WAC: variants seen among roughly 807,000 people sequenced by gnomAD.
WAC encodes WW domain-containing adapter protein with coiled-coil.
WAC carries 11 observed loss-of-function variants against 79.6 expected under a neutral mutation model. That is an observed-to-expected ratio of 0.14 (90% confidence interval 0.09 to 0.23). The LOEUF is 0.23. WAC is among the 10% of genes least tolerant of loss of function. WAC has a pLI of 1.00. For synonymous variants in WAC, 304 were observed against 276.9 expected (o/e 1.10, Z -0.97); for missense variants, 728 against 773.5 (o/e 0.94, Z 0.70).
Position 28,616,212 on chromosome 10 carries a change from T to C in WAC, c.1596T>C (p.Ser532=). The C allele has an allele frequency of 1.9e-6, 3 of 1,612,522 alleles. No homozygotes were observed. The highest frequency in any genetic ancestry group is 2.5e-6 in the Non-Finnish European group (3 of 1,179,238). The stretch of plus-strand genomic sequence containing the variant: ...CATCACCTGGTCCCAATCATACTTC[T>C]AATAGTAGTAATGCATCAAATGCAA... ...RSPSPGPNHT[S]NSSNASNATV... Residue 532 remains serine (S), a synonymous_variant, in exon 12 of 14, where the codon TCT becomes TCC. Transcript: ENST00000354911.
Position 28,544,631 on chromosome 10 carries a change from G to GGGTTA in WAC, c.274+8877_274+8881dup, listed in dbSNP as rs547230641. 3.5e-4 allele frequency among the ~76,000 whole-genome samples: 53 copies of GGGTTA among 152,226 alleles called. No individual in the cohort carries two copies. In the East Asian group the frequency reaches 6.8e-3, roughly 19 times the overall value. ...AAGCTGCTGCTGCTTTCTTTGTTTA[G>GGGTTA]GGTTAGGAAGAAACATGCTGGACAG... On this transcript the variant is annotated intron_variant, in intron 3 of 13. Coordinates refer to ENST00000354911, the MANE Select transcript of WAC (RefSeq NM_016628.5).
At chr10:28,538,083 G>A (rs903839161) in intron 3 of WAC, among the ~76,000 whole-genome samples, 5 of 152,010 alleles carry the variant, frequency 3.3e-5, no homozygotes, top group Non-Finnish European at 2.9e-5. Flanking sequence ...CTCCATTCTG[G>A]AATTGAGAGT....
chr10:28,534,512 C>T (rs978298590), intron 2 of WAC, among the ~76,000 whole-genome samples: 1 of 152,152 alleles, frequency 6.6e-6, no homozygotes, highest in Non-Finnish European at 1.5e-5. Flanking sequence ...TTTTGGTATA[C>T]TTAATTGCCT....
At chr10:28,616,681 A>T (rs1277252138) in intron 12 of WAC, among the ~76,000 whole-genome samples, 2 of 152,220 alleles carry the variant, frequency 1.3e-5, no homozygotes, top group African/African-American at 4.8e-5. Flanking sequence ...CAAATAGTGC[A>T]TAAGACCTTG....
intron 7 of WAC, among the ~76,000 whole-genome samples, chr10:28,597,225 A>C (rs74670537): frequency 0.022 from 3,282 of 152,282 alleles, 118 homozygotes; most frequent in African/African-American, 0.075. Context: ...AAATTCATAC[A>C]TAAAATGTCA....
intron 3 of WAC, 33 bp downstream of exon 3, chr10:28,535,790 C>G (rs757570022): frequency 6.4e-7 from 1 of 1,555,400 alleles, no homozygotes; most frequent in South Asian, 1.2e-5. Context: ...CTTTGACATA[C>G]AGTTTTAACA....
At chr10:28,616,030 C>T (rs1044503008) in intron 11 of WAC, 143 bp from the exon 12 acceptor site, 1 of 642,384 alleles carries the variant, frequency 1.6e-6, no homozygotes, top group African/African-American at 1.8e-5. Context: ...TATTAATTCT[C>T]TTTATTTGAC....
At chr10:28,608,650 T>C (rs1841077117) in intron 8 of WAC, 3 of 530,212 alleles carry the variant, frequency 5.7e-6, no homozygotes, top group Non-Finnish European at 6.6e-6. Context: ...TTGGATCTTG[T>C]GTATATTTTT....
Position 28,589,839 on chromosome 10 carries a change from A to C in WAC, c.485A>C (p.Glu162Ala). The change falls in exon 5 of 14, where the codon GAG becomes GCG. Residue 162 changes from glutamate to alanine, a missense_variant. Transcript: ENST00000354911. Reference protein sequence around the residue: ...TEVSQWEKPKEWLEREQRQKE... With the variant: ...TEVSQWEKPKAWLEREQRQKE... ...GTTTCACAATGGGAAAAACCAAAAGAGTGGCTTGAAAGGTAATTAGCTTTT... is the reference window on the plus strand; with the variant it reads ...GTTTCACAATGGGAAAAACCAAAAGCGTGGCTTGAAAGGTAATTAGCTTTT... 1 of 1,610,084 alleles carries C rather than the reference A, an allele frequency of 6.2e-7. No homozygotes were observed. Among genetic ancestry groups the C allele is most frequent in the Non-Finnish European group, 8.5e-7 (1 of 1,176,524 alleles).
At chr10:28,541,085 ACTTAGATC>A (rs1324057023) in intron 3 of WAC, among the ~76,000 whole-genome samples, 2 of 152,180 alleles carry the variant, frequency 1.3e-5, no homozygotes, top group South Asian at 2.1e-4. Flanking sequence ...GAATGAGTTC[ACTTAGATC>A]CTTAGATCCT....
chr10:28,583,679 GAGCCAA>G (rs1839659728), intron 4 of WAC, among the ~76,000 whole-genome samples, 174 bp downstream of exon 4: 1 of 151,620 alleles, frequency 6.6e-6, no homozygotes, highest in African/African-American at 2.4e-5. Context: ...TTAAACCAAT[GAGCCAA>G]GCTTATTAAT....
chr10:28,596,263 TAAGTC>T (rs1840358119), intron 7 of WAC, among the ~76,000 whole-genome samples: 1 of 152,228 alleles, frequency 6.6e-6, no homozygotes, highest in African/African-American at 2.4e-5. Flanking sequence ...CTCTGAATTT[TAAGTC>T]AAGTGCTTAA....
chr10:28,575,738 T>A (rs773198005), intron 3 of WAC, among the ~76,000 whole-genome samples: 1 of 152,244 alleles, frequency 6.6e-6, no homozygotes, highest in Non-Finnish European at 1.5e-5. Context: ...ACCAGATGTA[T>A]GATTAGCAAC....
intron 3 of WAC, among the ~76,000 whole-genome samples, chr10:28,541,402 T>TGG (rs140918906): frequency 0.38 from 42,201 of 112,366 alleles, 8,734 homozygotes; most frequent in East Asian, 0.55. Context: ...TTTGTGGGGT[T>TGG]GTGTGTGTGT....
At chr10:28,569,794 TA>T (rs1838846973) in intron 3 of WAC, among the ~76,000 whole-genome samples, 1 of 152,378 alleles carries the variant, frequency 6.6e-6, no homozygotes, top group East Asian at 1.9e-4. Flanking sequence ...ATTCTGTTTT[TA>T]TCTTTAGTAC....
intron 3 of WAC, among the ~76,000 whole-genome samples, chr10:28,566,992 G>A (rs1304712877): frequency 1.3e-5 from 2 of 148,998 alleles, no homozygotes; most frequent in Non-Finnish European, 3.0e-5. Flanking sequence ...GCATATATTG[G>A]CTTCATCTTT....
intron 12 of WAC, 122 bp downstream of exon 12, chr10:28,616,484 C>A: frequency 1.2e-6 from 1 of 848,910 alleles, no homozygotes; most frequent in Non-Finnish European, 1.7e-6. Context: ...GAATCTCTAA[C>A]TTTGTAGTCA....
chr10:28,583,294 G>A (rs1228683639), intron 3 of WAC, 105 bp from the exon 4 acceptor site: 2 of 787,332 alleles, frequency 2.5e-6, no homozygotes, highest in Non-Finnish European at 3.9e-6. Context: ...TATGTAAGAT[G>A]TTCGTTTAGA....
At chr10:28,603,346 C>G (rs11007157) in intron 7 of WAC, among the ~76,000 whole-genome samples, 2 of 152,194 alleles carry the variant, frequency 1.3e-5, no homozygotes, top group Non-Finnish European at 2.9e-5. Flanking sequence ...CGAGCTTGAT[C>G]TATAGTAGTC....
Sources: gnomAD v4.1 joint callset for allele counts (sites outside exome capture counted in the v4.1 genomes callset) on GRCh38, gnomAD v4.1.1 for gene constraint, MANE v1.5 for transcripts, NCBI Gene and HGNC (gene_info 2026-07-23, HGNC 2026-07-21) for gene names.